The following ACAP2 variants were observed in gnomAD, a reference collection of about 807,000 sequenced individuals.
The protein encoded by ACAP2 is arf-GAP with coiled-coil, ANK repeat and PH domain-containing protein 2.
In ACAP2, 39 loss-of-function variants were observed where a neutral mutation model predicts 115.8. The ratio of observed to expected loss-of-function variants is 0.34; its 90% confidence interval spans 0.26 to 0.44. ACAP2 has a LOEUF of 0.44. ACAP2 is among the 20% of genes least tolerant of loss of function. The pLI is 1.00. For missense variants in ACAP2, 662 were observed against 927.6 expected (o/e 0.71, Z 3.72); for synonymous variants, 289 against 315.8 (o/e 0.92, Z 0.90).
At position 195,392,084 on chromosome 3, in the gene ACAP2, A is replaced by G. The variant is rs752165350; in HGVS notation, c.111+6T>C. The G allele has an allele frequency of 6.2e-7, 1 of 1,611,134 alleles. No homozygotes were observed. The highest frequency in any genetic ancestry group is 2.2e-5 in the East Asian group (1 of 44,780). ...ATGTTTCAAAAAGCTAACTTGTAAAATTTACCTTATCAAGTTTTAGTTCCA... is the reference window on the plus strand; with the variant it reads ...ATGTTTCAAAAAGCTAACTTGTAAAGTTTACCTTATCAAGTTTTAGTTCCA... On this transcript the variant is annotated splice_donor_region_variant and intron_variant, in intron 2 of 22. Coordinates refer to ENST00000326793, the MANE Select transcript of ACAP2 (RefSeq NM_012287.6).
intron 4 of ACAP2, among the ~76,000 whole-genome samples, chr3:195,369,347 A>G (rs574912817): frequency 6.6e-6 from 1 of 152,318 alleles, no homozygotes; most frequent in East Asian, 1.9e-4. Context: ...GGTTTGATGT[A>G]CAGATTGTTT....
At chr3:195,393,711 T>C (rs1362769515) in intron 1 of ACAP2, among the ~76,000 whole-genome samples, 2 of 152,138 alleles carry the variant, frequency 1.3e-5, no homozygotes, top group African/African-American at 4.8e-5. Flanking sequence ...CGAGAACAAA[T>C]GTATGTGTAT....
intron 1 of ACAP2, among the ~76,000 whole-genome samples, chr3:195,393,735 G>A (rs1025698178): frequency 2.2e-4 from 33 of 152,166 alleles, no homozygotes; most frequent in African/African-American, 8.0e-4. Context: ...GATATTCAGT[G>A]TAACGCGTTA....
At chr3:195,297,089 G>A (rs1237961161) in intron 16 of ACAP2, 101 bp downstream of exon 16, 1 of 993,720 alleles carries the variant, frequency 1.0e-6, no homozygotes, top group Admixed American at 2.1e-5. Flanking sequence ...GGTAATGACT[G>A]CTTCTAAACA....
intron 4 of ACAP2, among the ~76,000 whole-genome samples, chr3:195,352,725 G>A (rs753600776): frequency 6.6e-6 from 1 of 152,150 alleles, no homozygotes; most frequent in East Asian, 1.9e-4. Context: ...GGGCTAGATG[G>A]AGTGACTTAC....
chr3:195,406,792 T>G (rs1031313233), intron 1 of ACAP2, among the ~76,000 whole-genome samples: 1 of 152,194 alleles, frequency 6.6e-6, no homozygotes, highest in Non-Finnish European at 1.5e-5. Context: ...CAGTTAGTCA[T>G]GAACTTACCT....
intron 1 of ACAP2, among the ~76,000 whole-genome samples, chr3:195,422,831 T>G (rs985114429): frequency 6.6e-6 from 1 of 152,136 alleles, no homozygotes; most frequent in African/African-American, 2.4e-5. Flanking sequence ...CTTCTTCAAA[T>G]CCAAGGCCTC....
intron 8 of ACAP2, among the ~76,000 whole-genome samples, chr3:195,331,237 A>AAC (rs143740370): frequency 0.022 from 3,348 of 150,786 alleles, 115 homozygotes; most frequent in East Asian, 0.1. Context: ...CCCCCGTCTC[A>AAC]ACACACACAC....
intron 1 of ACAP2, among the ~76,000 whole-genome samples, chr3:195,437,313 G>T (rs1159067738): frequency 6.6e-6 from 1 of 152,030 alleles, no homozygotes; most frequent in African/African-American, 2.4e-5. Context: ...GAACTGTTGA[G>T]ATTATAGCAT....
intron 4 of ACAP2, among the ~76,000 whole-genome samples, chr3:195,346,471 G>A (rs1175407035): frequency 1.3e-5 from 2 of 152,128 alleles, no homozygotes; most frequent in Non-Finnish European, 2.9e-5. Context: ...GTGAAGCTAA[G>A]AAACAACTGT....
rs921500461 is a variant in ACAP2, at chr3:195,376,334, C to A, written c.285+4675G>T. ...ACTTGAACCTGGGAAGTGGAGGCTG[C>A]AGTGAGCCAAGGTCACGCACTCCAG... On this transcript the variant is annotated intron_variant, in intron 4 of 22. Transcript: ENST00000326793. Among the ~76,000 whole-genome samples, 7 of 152,074 alleles carry A rather than the reference C, an allele frequency of 4.6e-5. No individual in the cohort carries two copies. In the East Asian group the frequency reaches 7.7e-4, roughly 17 times the overall value.
intron 4 of ACAP2, among the ~76,000 whole-genome samples, chr3:195,374,918 G>A (rs1733420264): frequency 6.6e-6 from 1 of 151,828 alleles, no homozygotes; most frequent in Non-Finnish European, 1.5e-5. Flanking sequence ...TGGACCATGC[G>A]TACTGGCTCA....
chr3:195,382,076 A>G, intron 2 of ACAP2, 54 bp from the exon 3 acceptor site: 1 of 1,547,254 alleles, frequency 6.5e-7, no homozygotes, highest in Non-Finnish European at 8.8e-7. Flanking sequence ...CAAATTACTT[A>G]GTTGAACAAG....
intron 1 of ACAP2, among the ~76,000 whole-genome samples, chr3:195,419,106 C>T (rs1577451463): frequency 6.6e-6 from 1 of 151,938 alleles, no homozygotes; most frequent in Non-Finnish European, 1.5e-5. Context: ...AATACCATAC[C>T]CATTTGAAGT....
intron 4 of ACAP2, among the ~76,000 whole-genome samples, chr3:195,352,701 T>C (rs112997037): frequency 1.3e-5 from 2 of 152,230 alleles, no homozygotes; most frequent in Non-Finnish European, 2.9e-5. Flanking sequence ...CCCAATTCTT[T>C]GCTCTTTGAG....
intron 1 of ACAP2, among the ~76,000 whole-genome samples, chr3:195,429,051 T>C (rs2108853168): frequency 6.6e-6 from 1 of 152,190 alleles, no homozygotes; most frequent in Admixed American, 6.5e-5. Flanking sequence ...ATGAATACAT[T>C]ATGGTACATT....
intron 1 of ACAP2, among the ~76,000 whole-genome samples, chr3:195,427,206 TA>T (rs1183516879): frequency 6.6e-6 from 1 of 152,058 alleles, no homozygotes; most frequent in Non-Finnish European, 1.5e-5. Flanking sequence ...AGGCAAGGTA[TA>T]AAAAACTAAA....
chr3:195,333,063 C>A lies in ACAP2; in HGVS notation c.634G>T (p.Glu212Ter). 6.2e-7 allele frequency: 1 copy of A among 1,610,702 alleles called. No homozygotes were observed. Among genetic ancestry groups the A allele is most frequent in the South Asian group, 1.1e-5 (1 of 90,534 alleles). Residue 212 changes from glutamate (E) to a stop codon, truncating the protein, a stop_gained, in exon 8 of 23, where the codon GAA becomes TAA. Coordinates refer to ENST00000326793, the MANE Select transcript of ACAP2 (RefSeq NM_012287.6). LOFTEE classifies it high-confidence loss of function. ...FFHQGYDLFS[E>*]LGPYMKDLGA... ...AGATCCTTCATGTAGGGTCCAAGTT[C>A]ACTAAACAGATCATATCCTTGATGA... is the stretch of plus-strand genomic sequence containing the variant.
At position 195,341,977 on chromosome 3, in the gene ACAP2, C is replaced by G. The variant is rs1164142725; in HGVS notation, c.528+494G>C. ...GGCATACAGAGTGGTGTAATGTGCA[C>G]TGGAGACTCAGAAAGGGGGGAAGGT... On this transcript the variant is annotated intron_variant, in intron 6 of 22. Transcript: ENST00000326793. Among the ~76,000 whole-genome samples, 3 of 151,848 alleles carry G rather than the reference C, an allele frequency of 2.0e-5. No homozygotes were observed. In the East Asian group the frequency reaches 5.8e-4, roughly 29 times the overall value.
Sources: gnomAD v4.1 joint callset for allele counts (sites outside exome capture counted in the v4.1 genomes callset) on GRCh38, gnomAD v4.1.1 for gene constraint, MANE v1.5 for transcripts, NCBI Gene and HGNC (gene_info 2026-07-23, HGNC 2026-07-21) for gene names.